Variants in IFI44L observed in about 807,000 individuals in gnomAD.
IFI44L encodes the protein interferon-induced protein 44-like.
Under a neutral mutation model 39.3 loss-of-function variants are expected in IFI44L, and 40 were observed. The ratio of observed to expected loss-of-function variants is 1.02; its 90% confidence interval spans 0.79 to 1.33. The LOEUF is 1.33. Among genes scored for constraint, IFI44L ranks in the 40% most tolerant of loss-of-function variants. The pLI is 0.00. For synonymous variants in IFI44L, 198 were observed against 182.3 expected, an observed-to-expected ratio of 1.09 and a Z score of -0.69; for missense variants, 623 against 549.0, an observed-to-expected ratio of 1.13 and a Z score of -1.35.
chr1:78,625,770 A>C (rs114786737), intron 1 of IFI44L: 1 of 152,108 alleles, frequency 6.6e-6, no homozygotes, highest in East Asian at 1.9e-4. Flanking sequence ...TTTCTAATAC[A>C]TATGTTTAAA....
At chr1:78,636,974 T>A in intron 5 of IFI44L, 58 bp from the exon 6 acceptor site, 7 of 1,328,650 alleles carry the variant, frequency 5.3e-6, no homozygotes, top group Non-Finnish European at 7.5e-6. Context: ...AATTGTGTCT[T>A]TAAGGGTTAA....
chr1:78,637,678 T>C (rs908260779), intron 6 of IFI44L, among the ~76,000 whole-genome samples: 1 of 152,098 alleles, frequency 6.6e-6, no homozygotes, highest in African/African-American at 2.4e-5. Context: ...TTCCATAATT[T>C]TGTCATTTCG....
At chr1:78,624,988 C>T (rs1042167689) in intron 1 of IFI44L, among the ~76,000 whole-genome samples, 3 of 151,420 alleles carry the variant, frequency 2.0e-5, no homozygotes, top group Admixed American at 6.6e-5. Context: ...GTTCTTAAGT[C>T]TAAGTGAGTT....
At chr1:78,630,992 G>A (rs1652729259) in intron 4 of IFI44L, among the ~76,000 whole-genome samples, 1 of 152,114 alleles carries the variant, frequency 6.6e-6, no homozygotes, top group African/African-American at 2.4e-5. Context: ...GACCAATGCA[G>A]ATAATAAATC....
At chr1:78,624,199 T>C (rs1472486119) in intron 1 of IFI44L, among the ~76,000 whole-genome samples, 1 of 152,156 alleles carries the variant, frequency 6.6e-6, no homozygotes, top group Non-Finnish European at 1.5e-5. Context: ...CTTTTCCGTA[T>C]TGGCCAGGCT....
chr1:78,621,918 TTTC>T (rs1652293460), intron 1 of IFI44L, among the ~76,000 whole-genome samples: 1 of 152,176 alleles, frequency 6.6e-6, no homozygotes, highest in Non-Finnish European at 1.5e-5. Flanking sequence ...GTATTTATTA[TTTC>T]CATGTGCTGG....
Position 78,642,071 on chromosome 1 carries a change from A to ATAAGATATTCTC in IFI44L, c.*263_*264insAAGATATTCTCT. The ATAAGATATTCTC allele has an allele frequency of 1.8e-6, 1 of 564,084 alleles. No individual in the cohort carries two copies. The highest frequency in any genetic ancestry group is 3.1e-5 in the East Asian group (1 of 32,172). The allele number at this position is 564,084 out of a possible 1,614,324, so 34.9% of individuals were successfully genotyped here. A position where few individuals can be genotyped will look rare whatever the true frequency, so the allele number is the denominator to read the frequency against. On this transcript the variant is annotated 3_prime_UTR_variant, in exon 9 of 9. Coordinates refer to ENST00000370751, the MANE Select transcript of IFI44L (RefSeq NM_006820.4). ...ATCTTTTTAAACCACTGGAGGAAAA[A>ATAAGATATTCTC]TGAGATATTCTCTAATTTATTCTTC...
chr1:78,624,842 C>G (rs1016088917), intron 1 of IFI44L, among the ~76,000 whole-genome samples: 2 of 152,064 alleles, frequency 1.3e-5, no homozygotes, highest in African/African-American at 4.8e-5. Flanking sequence ...CCTTCATAGC[C>G]TGTTATGACA....
At position 78,643,255 on chromosome 1, in the gene IFI44L, G is replaced by A. The variant is rs955402924; in HGVS notation, c.*1446G>A. 3 of 151,958 alleles carry A rather than the reference G, an allele frequency of 2.0e-5. No homozygotes were observed. The highest frequency in any genetic ancestry group is 4.4e-5 in the Non-Finnish European group (3 of 67,998). The allele number at this position is 151,958 out of a possible 1,614,324, so 9.4% of individuals were successfully genotyped here. ...GACACAATTCAGTGGAAGAAATTAA[G>A]TCTTTAAAAAAGACCTAGGAATAGG... On this transcript the variant is annotated 3_prime_UTR_variant, in exon 9 of 9. Transcript: ENST00000370751.
rs1647013372 is a variant in IFI44L at position 78,643,648 on chromosome 1, T to C, written c.*1839T>C. The C allele has an allele frequency of 1.1e-5, 1 of 94,618 alleles. No homozygotes were observed. The highest frequency in any genetic ancestry group is 2.6e-5 in the Non-Finnish European group (1 of 38,818). 5.9% of individuals were successfully genotyped at this position (94,618 alleles called of 1,614,324 possible). ...TTTGTTTGTTTTGTTTTTTTTTTGT[T>C]GTTGTTTTTTTTTTTTTTTGTTTTT... is the stretch of plus-strand genomic sequence containing the variant. On this transcript the variant is annotated 3_prime_UTR_variant, in exon 9 of 9. Coordinates refer to ENST00000370751, the MANE Select transcript of IFI44L (RefSeq NM_006820.4).
At chr1:78,640,651 T>G (rs1172070153) in intron 6 of IFI44L, among the ~76,000 whole-genome samples, 3 of 152,118 alleles carry the variant, frequency 2.0e-5, no homozygotes, top group African/African-American at 7.2e-5. Flanking sequence ...TACAGTTTGC[T>G]CTCATAAATG....
intron 3 of IFI44L, 72 bp from the exon 4 acceptor site, chr1:78,629,648 G>C: frequency 9.4e-7 from 1 of 1,064,942 alleles, no homozygotes; most frequent in Non-Finnish European, 1.3e-6. Context: ...AGCTCTAGGT[G>C]ACTTGAGATG....
chr1:78,624,247 C>T (rs1297334583), intron 1 of IFI44L, among the ~76,000 whole-genome samples: 1 of 152,136 alleles, frequency 6.6e-6, no homozygotes. Context: ...CCGCCGAACT[C>T]GGCCTCCCAA....
In IFI44L at chr1:78,644,207, C is replaced by T. The variant is rs369970652; in HGVS notation, c.*2398C>T. The T allele has an allele frequency of 1.3e-4, 20 of 152,176 alleles. 1 individual carries two copies. Among genetic ancestry groups the T allele is most frequent in the African/African-American group, 4.8e-4 (20 of 41,504 alleles). The allele number at this position is 152,176 out of a possible 1,614,324, so 9.4% of individuals were successfully genotyped here. On this transcript the variant is annotated 3_prime_UTR_variant, in exon 9 of 9. Transcript: ENST00000370751. ...TGGTGGAGCCTGAAAAAAATCTGGG[C>T]AGAATGTAGGACTTCTTTATTTTGT...
Position 78,637,085 on chromosome 1 carries a change from A to G in IFI44L, c.930A>G (p.Pro310=), listed in dbSNP as rs768847834. 1 of 1,611,094 alleles carries G rather than the reference A, an allele frequency of 6.2e-7. No individual in the cohort carries two copies. The highest frequency in any genetic ancestry group is 1.7e-5 in the Admixed American group (1 of 59,960). Residue 310 remains proline (P), a synonymous_variant, in exon 6 of 9, where the codon CCA becomes CCG. Transcript: ENST00000370751. ...AGCATTCTACTTTTATCACCTCTCC[A>G]TCTCTGAAGGACAGGATTCACTGTG... ...TPEHSTFITS[P]SLKDRIHCVA...
chr1:78,622,890 G>A (rs1652328372), intron 1 of IFI44L, among the ~76,000 whole-genome samples: 1 of 152,200 alleles, frequency 6.6e-6, no homozygotes, highest in Non-Finnish European at 1.5e-5. Flanking sequence ...ACATTCAGAA[G>A]AGTCTGCAGC....
intron 6 of IFI44L, among the ~76,000 whole-genome samples, chr1:78,639,545 GA>G (rs2100392096): frequency 6.6e-6 from 1 of 152,172 alleles, no homozygotes; most frequent in South Asian, 2.1e-4. Flanking sequence ...TGGGACATAT[GA>G]AGTAAAAAGA....
In IFI44L at chr1:78,620,460, C is replaced by T. The variant is rs564787418; in HGVS notation, c.-122C>T. 1 of 152,122 alleles carries T rather than the reference C, an allele frequency of 6.6e-6. No homozygotes were observed. Among genetic ancestry groups the T allele is most frequent in the Non-Finnish European group, 1.5e-5 (1 of 68,034 alleles). The allele number at this position is 152,122 out of a possible 1,614,324, so 9.4% of individuals were successfully genotyped here. ...CTCAGTTTTCTTTCTTTCCTAGAGTCTCTGAAGCCACAGATCTCTTAAGAA... is the reference window on the plus strand; with the variant it reads ...CTCAGTTTTCTTTCTTTCCTAGAGTTTCTGAAGCCACAGATCTCTTAAGAA... On this transcript the variant is annotated 5_prime_UTR_variant, in exon 1 of 9. Transcript: ENST00000370751.
At chr1:78,635,026 GTATATA>G (rs61477116) in intron 4 of IFI44L, among the ~76,000 whole-genome samples, 11 of 148,192 alleles carry the variant, frequency 7.4e-5, no homozygotes, top group African/African-American at 1.2e-4. Context: ...GTGTGTATGT[GTATATA>G]TATATATATA....
Sources: allele counts gnomAD v4.1 joint callset (sites outside exome capture counted in the v4.1 genomes callset), GRCh38; gene constraint gnomAD v4.1.1; transcripts MANE v1.5; gene names NCBI Gene and HGNC (gene_info 2026-07-23, HGNC 2026-07-21).